The following ATAD3C variants were observed in gnomAD, a reference collection of about 807,000 sequenced individuals.
The protein encoded by ATAD3C is ATPase family AAA domain containing 3C, also known as ATPase family AAA domain-containing protein 3C.
Under a neutral mutation model 46.3 loss-of-function variants are expected in ATAD3C, and 38 were observed. That is an observed-to-expected ratio of 0.82 (90% CI 0.63 to 1.08). The LOEUF (loss-of-function observed/expected upper bound fraction) is 1.08. Among genes scored for constraint, ATAD3C ranks in the 50% least tolerant of loss-of-function variants. ATAD3C has a pLI of 0.00. For missense variants in ATAD3C, 563 were observed against 572.7 expected (o/e 0.98, Z 0.17); for synonymous variants, 220 against 236.4 (o/e 0.93, Z 0.63).
intron 4 of ATAD3C, among the ~76,000 whole-genome samples, chr1:1,455,104 CT>C (rs1182230878): frequency 6.6e-6 from 1 of 150,840 alleles, no homozygotes; most frequent in Non-Finnish European, 1.5e-5. Context: ...GTAGTCCCAG[CT>C]ACTCGGGAGG....
rs1406244925 is a variant in ATAD3C at position 1,470,113 on chromosome 1, C to T, written c.*1583C>T. Reference sequence around the variant, plus strand: ...ACCCTTTGCTGACTCTCTTTTTGAACTCAGCCCGCCTGCACCCAGGTGAAA... The same window carrying T: ...ACCCTTTGCTGACTCTCTTTTTGAATTCAGCCCGCCTGCACCCAGGTGAAA... On this transcript the variant is annotated 3_prime_UTR_variant, in exon 12 of 12. Coordinates refer to ENST00000378785, the MANE Select transcript of ATAD3C (RefSeq NM_001039211.3). 1 of 152,054 alleles carries T rather than the reference C, an allele frequency of 6.6e-6. No individual in the cohort carries two copies. The highest frequency in any genetic ancestry group is 1.5e-5 in the Non-Finnish European group (1 of 68,022). The allele number at this position is 152,054 out of a possible 1,614,324, so 9.4% of individuals were successfully genotyped here.
At position 1,452,291 on chromosome 1, in the gene ATAD3C, C is replaced by T. The variant is rs1056275105; in HGVS notation, c.153-74C>T. On this transcript the variant is annotated intron_variant, in intron 2 of 11. Coordinates refer to ENST00000378785, the MANE Select transcript of ATAD3C (RefSeq NM_001039211.3). ...GGACCAGGCTGCTGTGTCAAGGCCT[C>T]ACCCTCAACCTGTTCTTGCTACGTG... 140 of 1,608,356 alleles carry T rather than the reference C, an allele frequency of 8.7e-5. 2 individuals are homozygous for T. Among genetic ancestry groups the T allele is most frequent in the Non-Finnish European group, 6.6e-5 (77 of 1,175,496 alleles).
chr1:1,455,699 C>G, intron 5 of ATAD3C, 92 bp from the exon 6 acceptor site: 1 of 1,576,384 alleles, frequency 6.3e-7, no homozygotes, highest in Non-Finnish European at 8.6e-7. Context: ...CCCCGGAGAG[C>G]GGAGTCCACA....
intron 11 of ATAD3C, among the ~76,000 whole-genome samples, chr1:1,465,914 T>C (rs1348687631): frequency 6.6e-6 from 1 of 151,970 alleles, no homozygotes; most frequent in Non-Finnish European, 1.5e-5. Flanking sequence ...CACCACTGAG[T>C]ATGTCACCTG....
At chr1:1,464,293 A>G (rs1487229416) in intron 11 of ATAD3C, among the ~76,000 whole-genome samples, 2 of 151,384 alleles carry the variant, frequency 1.3e-5, no homozygotes, top group African/African-American at 2.4e-5. Context: ...TCTGAAGGCT[A>G]CAGGCCCAAG....
Position 1,459,955 on chromosome 1 carries a change from A to G in ATAD3C, c.812+724A>G, listed in dbSNP as rs971572939. Among the ~76,000 whole-genome samples, 54 of 151,978 alleles carry G rather than the reference A, an allele frequency of 3.6e-4. No individual in the cohort carries two copies. The highest frequency in any genetic ancestry group is 6.2e-4 in the Non-Finnish European group (42 of 67,934). On this transcript the variant is annotated intron_variant, in intron 9 of 11. Transcript: ENST00000378785. This position sits in a 1 kb window ranked among gnomAD's most constrained non-coding sequence, Gnocchi z 4.9. ...GGCTCCTGGGTCAGCTGCTGCCGGTAGACGCTCCCTGGAGCCCTGACTCGG... is the reference window on the plus strand; with the variant it reads ...GGCTCCTGGGTCAGCTGCTGCCGGTGGACGCTCCCTGGAGCCCTGACTCGG...
intron 11 of ATAD3C, among the ~76,000 whole-genome samples, chr1:1,468,174 G>C (rs1639174690): frequency 6.6e-6 from 1 of 152,140 alleles, no homozygotes; most frequent in Non-Finnish European, 1.5e-5. Flanking sequence ...CATTGGTGCT[G>C]AGGACGCAGG....
rs1570163914 is a variant in ATAD3C, at chr1:1,468,938, C to T, written c.*408C>T. On this transcript the variant is annotated 3_prime_UTR_variant, in exon 12 of 12. Coordinates refer to ENST00000378785, the MANE Select transcript of ATAD3C (RefSeq NM_001039211.3). ...CAGACACAGCGGCTTCAAATAGATG[C>T]CGCCCCTGCCCGCGCTTTGCAGCTA... The T allele has an allele frequency of 4.5e-6, 1 of 221,890 alleles. No homozygotes were observed. Among genetic ancestry groups the T allele is most frequent in the East Asian group, 1.7e-4 (1 of 6,022 alleles). 13.7% of individuals were successfully genotyped at this position (221,890 alleles called of 1,614,324 possible).
chr1:1,457,595 C>CAAAAAAAAAAAAAAAA (rs777757826), intron 8 of ATAD3C, among the ~76,000 whole-genome samples: 2 of 36,448 alleles, frequency 5.5e-5, no homozygotes, highest in African/African-American at 2.7e-4. Flanking sequence ...GACTTCATCT[C>CAAAAAAAAAAAAAAAA]AAAAAAAAAA....
At position 1,455,888 on chromosome 1, in the gene ATAD3C, C is replaced by T. The variant is rs1161577966; in HGVS notation, c.536C>T (p.Pro179Leu). 5 of 1,613,326 alleles carry T rather than the reference C, an allele frequency of 3.1e-6. No homozygotes were observed. The highest frequency in any genetic ancestry group is 4.2e-6 in the Non-Finnish European group (5 of 1,179,684). ...AGGCACATCCTGCTGTACGGGCCAC[C>T]AGGCACCGGGAAGACGCTGTTTGCC... ...LYRHILLYGPPGTGKTLFAKK... is the reference protein window; with the variant it reads ...LYRHILLYGPLGTGKTLFAKK... The change falls in exon 6 of 12, where the codon CCA becomes CTA. Residue 179 changes from proline (P) to leucine (L), a missense_variant. By Grantham distance (98) the Pro-to-Leu change is moderately conservative (BLOSUM62 -3). This residue lies in a region of ATAD3C where 263 missense variants were observed against 243.1 expected (regional missense o/e 1.08). Coordinates refer to ENST00000378785, the MANE Select transcript of ATAD3C (RefSeq NM_001039211.3).
rs1204545889 is a variant in ATAD3C at position 1,459,044 on chromosome 1, C to T, written c.742-117C>T. The T allele has an allele frequency of 1.2e-5, 19 of 1,560,502 alleles. 1 individual carries two copies. The highest frequency in any genetic ancestry group is 2.3e-5 in the East Asian group (1 of 43,602). On this transcript the variant is annotated intron_variant, in intron 8 of 11. Coordinates refer to ENST00000378785, the MANE Select transcript of ATAD3C (RefSeq NM_001039211.3). The surrounding 1 kb of genome is among the most constrained non-coding windows in gnomAD (Gnocchi z 4.9). ...CTGGTCAGGCTTTTGAGTCTAGATC[C>T]GTGAAAGTGTCGCCATGTCCCTGCT...
chr1:1,454,079 G>C (rs921966805), intron 3 of ATAD3C, among the ~76,000 whole-genome samples: 2 of 152,066 alleles, frequency 1.3e-5, no homozygotes, highest in Admixed American at 6.6e-5. Flanking sequence ...CCAGGGCCCC[G>C]CTCAGCGACC....
chr1:1,465,713 G>GA (rs1275455655), intron 11 of ATAD3C, among the ~76,000 whole-genome samples: 13 of 151,526 alleles, frequency 8.6e-5, no homozygotes, highest in African/African-American at 1.5e-4. Flanking sequence ...TTCCAATATG[G>GA]ATTCTAGGAT....
At chr1:1,460,633 A>C (rs950704890) in intron 9 of ATAD3C, 117 bp from the exon 10 acceptor site, 1 of 1,406,854 alleles carries the variant, frequency 7.1e-7, no homozygotes, top group Non-Finnish European at 9.3e-7. Context: ...TGTGCTCACA[A>C]GCTGCCACTT....
intron 6 of ATAD3C, 21 bp downstream of exon 6, chr1:1,455,937 A>T (rs1638954440): frequency 6.2e-6 from 10 of 1,612,080 alleles, no homozygotes; most frequent in Non-Finnish European, 8.5e-6. Context: ...CTAGCTGAAC[A>T]GGTGGGCCAG....
At chr1:1,468,239 C>G in intron 11 of ATAD3C, 145 bp from the exon 12 acceptor site, 1 of 1,354,398 alleles carries the variant, frequency 7.4e-7, no homozygotes, top group Non-Finnish European at 9.7e-7. Context: ...GTGCTGGGCT[C>G]TGCCGAGGTG....
Position 1,466,535 on chromosome 1 carries a change from CAAA to C in ATAD3C, c.1090-1829_1090-1827del, listed in dbSNP as rs35433084. 1.0e-3 allele frequency among the ~76,000 whole-genome samples: 72 copies of C among 70,310 alleles called. 1 individual carries two copies. Among genetic ancestry groups the C allele is most frequent in the African/African-American group, 3.2e-3 (65 of 20,306 alleles). 46.1% of individuals were successfully genotyped at this position (70,310 alleles called of 152,430 possible). ...TGGGTGACAGAAGGAGATGTCATCTCAAAAAAAAAAAAAAAAAAAAAATTGTAT... is the reference window on the plus strand; with the variant it reads ...TGGGTGACAGAAGGAGATGTCATCTCAAAAAAAAAAAAAAAAAAATTGTAT... On this transcript the variant is annotated intron_variant, in intron 11 of 11. Coordinates refer to ENST00000378785, the MANE Select transcript of ATAD3C (RefSeq NM_001039211.3).
rs368947656 is a variant in ATAD3C, at chr1:1,454,395, G to A, written c.273G>A (p.Ala91=). ...LAVGVYSAKN[A]TAVTGRYIEA... ...TCGGGGTCTACTCAGCCAAGAATGCGACAGCCGTCACTGGCCGCTACATCG... is the reference window on the plus strand; with the variant it reads ...TCGGGGTCTACTCAGCCAAGAATGCAACAGCCGTCACTGGCCGCTACATCG... The change falls in exon 4 of 12, where the codon GCG becomes GCA. Residue 91 remains alanine, a synonymous_variant. Transcript: ENST00000378785. 19 of 1,603,140 alleles carry A rather than the reference G, an allele frequency of 1.2e-5. No homozygotes were observed. Among genetic ancestry groups the A allele is most frequent in the East Asian group, 2.3e-5 (1 of 44,404 alleles).
intron 1 of ATAD3C, among the ~76,000 whole-genome samples, chr1:1,451,802 C>G (rs1638863621): frequency 6.6e-6 from 1 of 152,056 alleles, no homozygotes; most frequent in African/African-American, 2.4e-5. Context: ...TGGCCCTTGT[C>G]AGGGAAGCCA....
Sources: gnomAD v4.1 joint callset for allele counts (sites outside exome capture counted in the v4.1 genomes callset) on GRCh38, gnomAD v4.1.1 for gene constraint, gnomAD v4.1.1 regional missense constraint, Gnocchi (gnomAD v3.1) non-coding constraint, MANE v1.5 for transcripts, NCBI Gene and HGNC (gene_info 2026-07-23, HGNC 2026-07-21) for gene names.